The following TNIP3 variants were observed in gnomAD, a reference collection of about 807,000 sequenced individuals.
TNIP3 encodes the protein TNFAIP3-interacting protein 3.
TNIP3 carries 34 observed loss-of-function variants against 54.1 expected under a neutral mutation model. That is an observed-to-expected ratio of 0.63 (90% CI 0.48 to 0.84). The LOEUF (loss-of-function observed/expected upper bound fraction) is 0.84, where lower values mean the gene tolerates loss of function less well. Among genes scored for constraint, TNIP3 ranks in the 40% least tolerant of loss-of-function variants. The pLI is 0.00. For missense variants in TNIP3, 366 were observed against 387.6 expected, an observed-to-expected ratio of 0.94 and a Z score of 0.47; for synonymous variants, 134 against 136.8, an observed-to-expected ratio of 0.98 and a Z score of 0.14.
upstream of TNIP3, among the ~76,000 whole-genome samples, chr4:121,221,245 T>C (rs1383998930): frequency 6.6e-6 from 1 of 152,136 alleles, no homozygotes; most frequent in Non-Finnish European, 1.5e-5. Context: ...TAATATTCAG[T>C]CTAAATCACT....
At chr4:121,200,308 C>T (rs1230886134) in intron 2 of TNIP3, among the ~76,000 whole-genome samples, 2 of 151,828 alleles carry the variant, frequency 1.3e-5, no homozygotes, top group African/African-American at 2.4e-5. Context: ...TTTGCATAAT[C>T]CACTAAGAAG....
intron 1 of TNIP3, chr4:121,227,278 C>A: frequency 1.0e-6 from 1 of 1,001,266 alleles, no homozygotes; most frequent in Non-Finnish European, 1.5e-6. Flanking sequence ...TTATATATGT[C>A]TTTTTAATAT....
At chr4:121,164,432 C>A, upstream of TNIP3, 1 of 854,828 alleles carries the variant, frequency 1.2e-6, no homozygotes, top group Non-Finnish European at 1.5e-6. Flanking sequence ...GCAGATTAGC[C>A]TTGCTATAGT....
chr4:121,141,985 A>C, intron 8 of TNIP3, 71 bp from the exon 9 acceptor site: 1 of 1,056,534 alleles, frequency 9.5e-7, no homozygotes, highest in East Asian at 2.8e-5. Context: ...ATTGCTTTAT[A>C]CAAAAGGTTT....
In TNIP3 at chr4:121,227,234, T is replaced by C. The variant is rs1287086488; in HGVS notation, c.3+151A>G. On this transcript the variant is annotated intron_variant, in intron 1 of 12. Transcript: ENST00000509841. ...CTCACCGGGAACACATAAAACCTTA[T>C]CTTAATTGTTAATATTACTGAGTTC... is the stretch of plus-strand genomic sequence containing the variant. 14 of 617,538 alleles carry C rather than the reference T, an allele frequency of 2.3e-5. No individual in the cohort carries two copies. In the East Asian group the frequency reaches 2.9e-4, roughly 13 times the overall value. 38.3% of individuals were successfully genotyped at this position (617,538 alleles called of 1,614,324 possible).
intron 4 of TNIP3, among the ~76,000 whole-genome samples, chr4:121,155,794 T>C (rs1457872685): frequency 1.3e-5 from 2 of 152,196 alleles, no homozygotes; most frequent in Non-Finnish European, 2.9e-5. Flanking sequence ...AGCTAATATA[T>C]GTGTTAAAGT....
intron 1 of TNIP3, among the ~76,000 whole-genome samples, chr4:121,226,319 GT>G (rs1255068885): frequency 6.6e-6 from 1 of 152,076 alleles, no homozygotes; most frequent in Non-Finnish European, 1.5e-5. Context: ...AAGGCATAAT[GT>G]TTTTCTCTTC....
At position 121,147,140 on chromosome 4, in the gene TNIP3, C is replaced by T. The variant is rs776311690; in HGVS notation, c.644G>A (p.Arg215Gln). Residue 215 changes from arginine (R) to glutamine (Q), a missense_variant, in exon 7 of 11, where the codon CGA becomes CAA. Coordinates refer to ENST00000057513, the MANE Select transcript of TNIP3 (RefSeq NM_024873.6). ...QIYEEDFKKERSDRERLNQEK... is the reference protein window; with the variant it reads ...QIYEEDFKKEQSDRERLNQEK... ...TTGATTAAGTCTCTCTCGATCCGAT[C>T]GTTCCTTTTTGAAGTCTTCTTCGTA... The T allele has an allele frequency of 2.5e-6, 4 of 1,612,342 alleles. No homozygotes were observed. Among genetic ancestry groups the T allele is most frequent in the African/African-American group, 1.3e-5 (1 of 74,808 alleles).
chr4:121,151,696 G>C (rs1183385163), intron 5 of TNIP3, among the ~76,000 whole-genome samples: 1 of 151,870 alleles, frequency 6.6e-6, no homozygotes, highest in African/African-American at 2.4e-5. Context: ...CCTACACCTG[G>C]GAATAGACTA....
At chr4:121,140,581 A>G (rs1243546611) in intron 9 of TNIP3, among the ~76,000 whole-genome samples, 1 of 152,200 alleles carries the variant, frequency 6.6e-6, no homozygotes, top group Non-Finnish European at 1.5e-5. Flanking sequence ...GATTGGTTTT[A>G]TAGTTAACCT....
upstream of TNIP3, among the ~76,000 whole-genome samples, chr4:121,168,373 A>AT (rs1361623305): frequency 1.3e-5 from 2 of 151,110 alleles, no homozygotes; most frequent in East Asian, 3.9e-4. Flanking sequence ...TGCCTGGCTA[A>AT]TTTTTTTTGT....
At chr4:121,176,165 G>A (rs927018726) in intron 3 of TNIP3, among the ~76,000 whole-genome samples, 1 of 152,212 alleles carries the variant, frequency 6.6e-6, no homozygotes, top group African/African-American at 2.4e-5. Context: ...GAATAGCCAA[G>A]CTTTACAGAT....
chr4:121,214,264 C>A (rs1181495084), intron 2 of TNIP3, among the ~76,000 whole-genome samples: 2 of 152,148 alleles, frequency 1.3e-5, no homozygotes, highest in African/African-American at 4.8e-5. Flanking sequence ...GGTATATACA[C>A]CCTAGAAGGC....
upstream of TNIP3, among the ~76,000 whole-genome samples, chr4:121,165,627 T>C (rs1730719810): frequency 6.6e-6 from 1 of 151,894 alleles, no homozygotes; most frequent in Admixed American, 6.6e-5. Context: ...ATCTATATAA[T>C]GATTTACAAA....
At chr4:121,161,362 C>A (rs946858597) in intron 1 of TNIP3, 146 bp from the exon 2 acceptor site, 4 of 646,350 alleles carry the variant, frequency 6.2e-6, no homozygotes, top group African/African-American at 1.8e-5. Context: ...AATCCTCATA[C>A]CCTAAGTCCT....
chr4:121,164,132 T>A lies in TNIP3; in HGVS notation c.-7A>T. ...CCTGTACAAAATGTGCCATGGAAGC[T>A]GTTTTTCCTGGAGTCTTGGAAAGCA... On this transcript the variant is annotated 5_prime_UTR_variant, in exon 1 of 11. Coordinates refer to ENST00000057513, the MANE Select transcript of TNIP3 (RefSeq NM_024873.6). 3.7e-6 allele frequency: 6 copies of A among 1,613,770 alleles called. No homozygotes were observed. The highest frequency in any genetic ancestry group is 4.2e-6 in the Non-Finnish European group (5 of 1,179,748).
chr4:121,158,376 T>G (rs10004021), intron 3 of TNIP3, among the ~76,000 whole-genome samples: 8,795 of 152,272 alleles, frequency 0.058, 439 homozygotes, highest in African/African-American at 0.13. Context: ...TGTGTATTTG[T>G]GGCTTCTAGT....
At position 121,154,699 on chromosome 4, in the gene TNIP3, A is replaced by G; in HGVS notation, c.364-20T>C. The G allele has an allele frequency of 6.3e-7, 1 of 1,584,164 alleles. No homozygotes were observed. The highest frequency in any genetic ancestry group is 8.6e-7 in the Non-Finnish European group (1 of 1,167,870). On this transcript the variant is annotated intron_variant, in intron 4 of 10. Coordinates refer to ENST00000057513, the MANE Select transcript of TNIP3 (RefSeq NM_024873.6). ...TTCCTTCTGAAGTTAAGACCAAGAA[A>G]AGAAAATAAAAGTCAGTACAAGTCA... is the stretch of plus-strand genomic sequence containing the variant.
At chr4:121,184,675 C>T (rs890819059) in intron 2 of TNIP3, among the ~76,000 whole-genome samples, 11 of 152,090 alleles carry the variant, frequency 7.2e-5, no homozygotes, top group African/African-American at 1.9e-4. Flanking sequence ...GCTTGGTTTC[C>T]GTTATCTATA....
Sources: gnomAD v4.1 joint callset for allele counts (sites outside exome capture counted in the v4.1 genomes callset) on GRCh38, gnomAD v4.1.1 for gene constraint, MANE v1.5 for transcripts, NCBI Gene and HGNC (gene_info 2026-07-23, HGNC 2026-07-21) for gene names.